YAF2: variants seen among roughly 807,000 people sequenced by gnomAD.
The protein encoded by YAF2 is YY1 associated factor 2.
A neutral mutation model predicts 20.1 loss-of-function variants in YAF2; 7 were observed. The observed-to-expected ratio is 0.35, with a 90% confidence interval of 0.20 to 0.65. YAF2 has a LOEUF of 0.65. Among genes scored for constraint, YAF2 ranks in the 30% least tolerant of loss-of-function variants. The pLI is 0.69. For synonymous variants in YAF2, 74 were observed against 76.0 expected (o/e 0.97, Z 0.14); for missense variants, 151 against 219.2 (o/e 0.69, Z 1.96).
chr12:42,202,422 A>C (rs984028600), intron 2 of YAF2, among the ~76,000 whole-genome samples: 2 of 152,222 alleles, frequency 1.3e-5, no homozygotes, highest in Non-Finnish European at 2.9e-5. Flanking sequence ...CTTACCAATC[A>C]GTACCATGCT....
chr12:42,162,032 A>G (rs993327508), intron 2 of YAF2, among the ~76,000 whole-genome samples: 2 of 152,228 alleles, frequency 1.3e-5, no homozygotes, highest in African/African-American at 2.4e-5. Flanking sequence ...GTAAATCAAC[A>G]TAAGAAATTA....
chr12:42,187,717 T>G (rs956478518), intron 2 of YAF2, among the ~76,000 whole-genome samples: 1 of 152,194 alleles, frequency 6.6e-6, no homozygotes, highest in Non-Finnish European at 1.5e-5. Flanking sequence ...CAAATAAGTA[T>G]TAATAAATAA....
chr12:42,206,931 AG>A (rs2067061512), intron 2 of YAF2, among the ~76,000 whole-genome samples: 1 of 152,156 alleles, frequency 6.6e-6, no homozygotes, highest in African/African-American at 2.4e-5. Context: ...CCTTCTACCC[AG>A]ATTCAAAATT....
At chr12:42,189,996 T>C (rs1447362138) in intron 2 of YAF2, among the ~76,000 whole-genome samples, 1 of 152,236 alleles carries the variant, frequency 6.6e-6, no homozygotes, top group Non-Finnish European at 1.5e-5. Context: ...AATCAAAATA[T>C]GCTGTTTTAA....
intron 2 of YAF2, among the ~76,000 whole-genome samples, chr12:42,182,034 T>G (rs1032776961): frequency 1.3e-5 from 2 of 152,124 alleles, no homozygotes; most frequent in African/African-American, 4.8e-5. Context: ...ATTTTCAACA[T>G]GAAAGTACCT....
chr12:42,207,885 T>C (rs571635031), intron 2 of YAF2, among the ~76,000 whole-genome samples: 4 of 152,200 alleles, frequency 2.6e-5, no homozygotes, highest in South Asian at 2.1e-4. Context: ...AGCGAGACTC[T>C]GTCTCAAAAA....
At chr12:42,160,996 A>T in intron 3 of YAF2, 170 bp from the exon 4 acceptor site, 1 of 591,646 alleles carries the variant, frequency 1.7e-6, no homozygotes, top group Admixed American at 3.4e-5. Flanking sequence ...CATTAACATT[A>T]ATCAAACCAA....
At chr12:42,174,289 T>G (rs2066126716) in intron 2 of YAF2, among the ~76,000 whole-genome samples, 1 of 152,178 alleles carries the variant, frequency 6.6e-6, no homozygotes, top group South Asian at 2.1e-4. Flanking sequence ...TCAAGGTCAC[T>G]GATAACCACT....
At chr12:42,223,474 CT>C (rs2067585598) in intron 2 of YAF2, among the ~76,000 whole-genome samples, 1 of 151,984 alleles carries the variant, frequency 6.6e-6, no homozygotes, top group Non-Finnish European at 1.5e-5. Context: ...ATCAATCAAA[CT>C]GGAAATTGGC....
intron 2 of YAF2, chr12:42,231,147 G>A (rs150385208): frequency 1.2e-4 from 18 of 151,970 alleles, no homozygotes; most frequent in African/African-American, 3.9e-4. Context: ...ATCTATCAAT[G>A]TTTACTATAT....
chr12:42,182,461 T>C (rs767415882), intron 2 of YAF2, among the ~76,000 whole-genome samples: 5 of 152,148 alleles, frequency 3.3e-5, no homozygotes, highest in African/African-American at 7.2e-5. Flanking sequence ...ATCACTTACA[T>C]CAAAACTGAA....
chr12:42,158,977 T>G lies in YAF2; in HGVS notation c.*1612A>C, dbSNP rs553113020. 2.0e-5 allele frequency: 3 copies of G among 152,310 alleles called. No individual in the cohort carries two copies. In the South Asian group the frequency reaches 6.2e-4, roughly 32 times the overall value. The allele number at this position is 152,310 out of a possible 1,614,324, so 9.4% of individuals were successfully genotyped here. ...CATATCTGGTTAGCTGGTATTCCAT[T>G]GAAAGTATCTTATAATAAACACAAA... On this transcript the variant is annotated 3_prime_UTR_variant, in exon 4 of 4. Transcript: ENST00000534854.
At chr12:42,179,305 A>G (rs1304067841) in intron 2 of YAF2, among the ~76,000 whole-genome samples, 1 of 152,182 alleles carries the variant, frequency 6.6e-6, no homozygotes, top group African/African-American at 2.4e-5. Context: ...CCCCGTCTCT[A>G]CTAAAAATAC....
chr12:42,210,371 C>T (rs1333281606), intron 2 of YAF2: 1 of 1,529,402 alleles, frequency 6.5e-7, no homozygotes, highest in Non-Finnish European at 8.7e-7. Flanking sequence ...CTTGAGTTAT[C>T]CTATTGGGTC....
intron 2 of YAF2, among the ~76,000 whole-genome samples, chr12:42,224,029 A>C (rs2067606388): frequency 1.3e-5 from 2 of 152,184 alleles, no homozygotes; most frequent in Admixed American, 1.3e-4. Flanking sequence ...GTATCCCAGA[A>C]GTTAAAGTAA....
intron 2 of YAF2, among the ~76,000 whole-genome samples, chr12:42,218,854 G>A (rs1239672777): frequency 1.3e-5 from 2 of 151,994 alleles, no homozygotes; most frequent in Non-Finnish European, 2.9e-5. Context: ...ATGTGTCTAA[G>A]AAGATGAGTG....
chr12:42,187,986 G>A (rs2066516273), intron 2 of YAF2, among the ~76,000 whole-genome samples: 1 of 152,182 alleles, frequency 6.6e-6, no homozygotes, highest in Admixed American at 6.5e-5. Context: ...TGTTCCAGCT[G>A]AGTCAAGCCT....
chr12:42,236,323 ATACT>A (rs569809119), intron 2 of YAF2, among the ~76,000 whole-genome samples: 1 of 152,334 alleles, frequency 6.6e-6, no homozygotes, highest in African/African-American at 2.4e-5. Context: ...ATTTTAGCAA[ATACT>A]TTTTTTCTTT....
At chr12:42,175,558 T>A (rs1346834374) in intron 2 of YAF2, among the ~76,000 whole-genome samples, 1 of 150,810 alleles carries the variant, frequency 6.6e-6, no homozygotes, top group African/African-American at 2.4e-5. Context: ...CTGTCTAAAA[T>A]TTTTTTAACC....
Sources: gnomAD v4.1 joint callset for allele counts (sites outside exome capture counted in the v4.1 genomes callset) on GRCh38, gnomAD v4.1.1 for gene constraint, MANE v1.5 for transcripts, NCBI Gene and HGNC (gene_info 2026-07-23, HGNC 2026-07-21) for gene names.